Variants in AHNAK observed in about 807,000 individuals in gnomAD.
The protein encoded by AHNAK is AHNAK nucleoprotein.
In AHNAK, 23 loss-of-function variants were observed where a neutral mutation model predicts 37.8. The observed-to-expected ratio is 0.61, with a 90% CI of 0.44 to 0.86. The LOEUF (loss-of-function observed/expected upper bound fraction) is 0.86, where lower values mean the gene tolerates loss of function less well. Ranked by LOEUF, AHNAK falls within the 40% of genes least tolerant of loss-of-function variation. AHNAK has a pLI of 0.00. For synonymous variants in AHNAK, 2,481 were observed against 2,636.3 expected (o/e 0.94, Z 1.80); for missense variants, 7,411 against 7,319.4 (o/e 1.01, Z -0.46).
intron 5 of AHNAK, among the ~76,000 whole-genome samples, chr11:62,462,441 C>T (rs552168168): frequency 1.3e-5 from 2 of 152,282 alleles, no homozygotes; most frequent in South Asian, 4.1e-4. Flanking sequence ...CAACAGGCAA[C>T]GTTCCTTTGC....
chr11:62,525,277 G>A lies in AHNAK; in HGVS notation c.9140C>T (p.Pro3047Leu), dbSNP rs1349652001. Residue 3047 changes from proline (P) to leucine (L), a missense_variant, in exon 5 of 5, where the codon CCC becomes CTC. Physicochemically the swap from Pro to Leu is moderately conservative, Grantham distance 98. Coordinates refer to ENST00000378024, the MANE Select transcript of AHNAK (RefSeq NM_001620.3). Reference protein sequence around the residue: ...GEGPDVDVNLPKADLDVSGPK... With the variant: ...GEGPDVDVNLLKADLDVSGPK... ...TCCTGAGACATCAAGGTCAGCCTTG[G>A]GCAGGTTCACATCCACATCTGGGCC... The A allele has an allele frequency of 1.2e-6, 2 of 1,612,774 alleles. No homozygotes were observed. The highest frequency in any genetic ancestry group is 8.5e-7 in the Non-Finnish European group (1 of 1,179,790).
In AHNAK at chr11:62,530,240, G is replaced by A. The variant is rs373188722; in HGVS notation, c.4177C>T (p.Pro1393Ser). 1.2e-6 allele frequency: 2 copies of A among 1,612,294 alleles called. No individual in the cohort carries two copies. The highest frequency in any genetic ancestry group is 8.5e-7 in the Non-Finnish European group (1 of 1,179,612). The change falls in exon 5 of 5, where the codon CCC (proline) becomes TCC (serine). Residue 1393 changes from proline (P) to serine (S), a missense_variant. Coordinates refer to ENST00000378024, the MANE Select transcript of AHNAK (RefSeq NM_001620.3). The part of the protein sequence containing the change: ...PKVKMPKFSM[P>S]GFKGEGPEVD... ...TCAGGGCCCTCTCCTTTGAAGCCGG[G>A]CATGCTGAACTTGGGCATTTTCACC...
intron 5 of AHNAK, among the ~76,000 whole-genome samples, chr11:62,441,297 C>T (rs759599168): frequency 6.6e-6 from 1 of 151,538 alleles, no homozygotes; most frequent in African/African-American, 2.4e-5. Flanking sequence ...CCACCACGTC[C>T]GGCCTCTACA....
Position 62,516,788 on chromosome 11 carries a change from G to A in AHNAK, c.17629C>T (p.Gln5877Ter), listed in dbSNP as rs781631537. 5 of 1,613,350 alleles carry A rather than the reference G, an allele frequency of 3.1e-6. No homozygotes were observed. The highest frequency in any genetic ancestry group is 1.1e-5 in the South Asian group (1 of 90,924). ...ACTGACAGCTCCACCTCGGGAAGCT[G>A]GATGCCAACCTTATTCCCACTGTCA... is the stretch of plus-strand genomic sequence containing the variant. The part of the protein sequence containing the change: ...SNDSGNKVGI[Q>*]LPEVELSVST... The change falls in exon 5 of 5, where the codon CAG becomes TAG. Residue 5877 changes from glutamine (Q) to a stop codon, truncating the protein, a stop_gained. Coordinates refer to ENST00000378024, the MANE Select transcript of AHNAK (RefSeq NM_001620.3). LOFTEE classifies it high-confidence loss of function.
chr11:62,434,488 G>A (rs937944834), intron 5 of AHNAK, among the ~76,000 whole-genome samples: 4 of 151,936 alleles, frequency 2.6e-5, no homozygotes, highest in African/African-American at 9.7e-5. Context: ...CATCCCCATC[G>A]GACTCCCATG....
intron 4 of AHNAK, among the ~76,000 whole-genome samples, chr11:62,505,721 T>A (rs926125437): frequency 4.1e-5 from 6 of 145,798 alleles, no homozygotes; most frequent in Non-Finnish European, 9.0e-5. Context: ...AGGGCTTTGC[T>A]CCTCCCCTGC....
intron 5 of AHNAK, among the ~76,000 whole-genome samples, chr11:62,442,363 C>A (rs1289739412): frequency 2.0e-5 from 3 of 152,010 alleles, no homozygotes; most frequent in African/African-American, 7.2e-5. Context: ...TCTTGGGCAG[C>A]ATGGCAAAAT....
At position 62,520,739 on chromosome 11, in the gene AHNAK, C is replaced by A; in HGVS notation, c.13678G>T (p.Val4560Leu). The A allele has an allele frequency of 6.2e-7, 1 of 1,614,144 alleles. No homozygotes were observed. Among genetic ancestry groups the A allele is most frequent in the South Asian group, 1.1e-5 (1 of 91,076 alleles). ...TCAATATCAGGAGTGTCAATGCCCA[C>A]TTTAGGGCCTTTGACATCCACTTTG... ...GPKVDVKGPK[V>L]GIDTPDIDIH... is the part of the protein sequence containing the mutation. The change falls in exon 5 of 5, where the codon GTG becomes TTG. Residue 4560 changes from valine to leucine, a missense_variant. By Grantham distance (32) the Val-to-Leu change is conservative. Coordinates refer to ENST00000378024, the MANE Select transcript of AHNAK (RefSeq NM_001620.3).
In AHNAK at chr11:62,531,270, C is replaced by A. The variant is rs776859050; in HGVS notation, c.3147G>T (p.Lys1049Asn). The A allele has an allele frequency of 4.3e-6, 7 of 1,613,460 alleles. No individual in the cohort carries two copies. In the African/African-American group the frequency reaches 5.3e-5, roughly 12 times the overall value. The change falls in exon 5 of 5, where the codon AAG (lysine) becomes AAT (asparagine). Residue 1049 changes from lysine to asparagine, a missense_variant. Physicochemically the swap from Lys to Asn is moderately conservative, Grantham distance 94 (BLOSUM62 0). Coordinates refer to ENST00000378024, the MANE Select transcript of AHNAK (RefSeq NM_001620.3). Reference sequence around the variant, plus strand: ...GCATCTTAAACTTCGGGCCTTTCAACTTCCCTTCAGGTCCTTCAAGGCTCA... The same window carrying A: ...GCATCTTAAACTTCGGGCCTTTCAAATTCCCTTCAGGTCCTTCAAGGCTCA... The part of the protein sequence containing the change: ...PDLSLEGPEG[K>N]LKGPKFKMPE...
At chr11:62,458,072 C>G (rs1475974572) in intron 5 of AHNAK, among the ~76,000 whole-genome samples, 1 of 142,342 alleles carries the variant, frequency 7.0e-6, no homozygotes, top group Admixed American at 6.9e-5. Context: ...CGGCAACATG[C>G]CTGTCTAATT....
Position 62,516,450 on chromosome 11 carries a change from G to A in AHNAK, c.*294C>T, listed in dbSNP as rs1454599415. 19 of 1,279,732 alleles carry A rather than the reference G, an allele frequency of 1.5e-5. No individual in the cohort carries two copies. Among genetic ancestry groups the A allele is most frequent in the Non-Finnish European group, 1.7e-5 (17 of 1,003,426 alleles). The allele number at this position is 1,279,732 out of a possible 1,614,324, so 79.3% of individuals were successfully genotyped here. A position where few individuals can be genotyped will look rare whatever the true frequency, so the allele number is the denominator to read the frequency against. On this transcript the variant is annotated 3_prime_UTR_variant, in exon 5 of 5. Transcript: ENST00000378024. ...GATAATAAACACAAAAGCTTGCTTA[G>A]TAAACAGGAGCTCTCAGCAGTCAAT...
At chr11:62,470,560 C>T (rs780448933) in intron 5 of AHNAK, among the ~76,000 whole-genome samples, 1 of 151,654 alleles carries the variant, frequency 6.6e-6, no homozygotes, top group African/African-American at 2.4e-5. Context: ...GAGCCGAGAT[C>T]GCGCCACTGC....
chr11:62,444,502 C>T (rs1938382435), intron 5 of AHNAK, among the ~76,000 whole-genome samples: 1 of 152,252 alleles, frequency 6.6e-6, no homozygotes, highest in Admixed American at 6.5e-5. Flanking sequence ...GGAGATTAGG[C>T]AGGGTTGGCT....
rs1414031042 is a variant in AHNAK at position 62,533,405 on chromosome 11, C to A, written c.1012G>T (p.Val338Leu). Residue 338 changes from valine to leucine, a missense_variant, in exon 5 of 5, where the codon GTG becomes TTG. Transcript: ENST00000378024. ...GLRVSAPEVS[V>L]GHKGGKPGLT... ...CCTGGCTTGCCGCCCTTGTGCCCCACAGAGACTTCAGGTGCAGAAACCCTC... is the reference window on the plus strand; with the variant it reads ...CCTGGCTTGCCGCCCTTGTGCCCCAAAGAGACTTCAGGTGCAGAAACCCTC... 11 of 1,604,988 alleles carry A rather than the reference C, an allele frequency of 6.9e-6. No individual in the cohort carries two copies. The highest frequency in any genetic ancestry group is 4.0e-5 in the African/African-American group (3 of 74,870).
chr11:62,486,240 C>T (rs1024263758), intron 5 of AHNAK, among the ~76,000 whole-genome samples: 11 of 151,752 alleles, frequency 7.2e-5, no homozygotes, highest in South Asian at 6.3e-4. Context: ...TTTGGGAGGC[C>T]GAGGTGGGTG....
At chr11:62,435,787 A>G (rs576777070) in intron 5 of AHNAK, among the ~76,000 whole-genome samples, 12 of 152,240 alleles carry the variant, frequency 7.9e-5, no homozygotes, top group African/African-American at 2.4e-4. Flanking sequence ...GACTCAAGCA[A>G]TCCTCCTGCC....
intron 4 of AHNAK, among the ~76,000 whole-genome samples, chr11:62,498,180 G>A (rs931080629): frequency 2.0e-5 from 3 of 152,082 alleles, no homozygotes; most frequent in South Asian, 2.1e-4. Flanking sequence ...TATGGGTTTT[G>A]TTGTTGTGGT....
In AHNAK at chr11:62,530,684, C is replaced by A. The variant is rs754990821; in HGVS notation, c.3733G>T (p.Val1245Phe). 10 of 1,613,650 alleles carry A rather than the reference C, an allele frequency of 6.2e-6. No homozygotes were observed. In the East Asian group the frequency reaches 2.0e-4, roughly 32 times the overall value. Residue 1245 changes from valine to phenylalanine, a missense_variant, in exon 5 of 5, where the codon GTT becomes TTT. Physicochemically the swap from Val to Phe is conservative, Grantham distance 50 (BLOSUM62 -1). Coordinates refer to ENST00000378024, the MANE Select transcript of AHNAK (RefSeq NM_001620.3). ...KMDIDAPDVE[V>F]QGPDWHLKMP... ...TTCAGGTGCCAGTCTGGGCCTTGAA[C>A]CTCCACATCTGGGGCATCAATGTCC... is the stretch of plus-strand genomic sequence containing the variant.
intron 5 of AHNAK, among the ~76,000 whole-genome samples, chr11:62,451,507 G>T (rs1258983763): frequency 3.9e-5 from 6 of 152,020 alleles, no homozygotes; most frequent in Admixed American, 2.0e-4. Flanking sequence ...GGAGGCCAAG[G>T]CGGGCAGATA....
Sources: gnomAD v4.1 joint callset for allele counts (sites outside exome capture counted in the v4.1 genomes callset) on GRCh38, gnomAD v4.1.1 for gene constraint, MANE v1.5 for transcripts, NCBI Gene and HGNC (gene_info 2026-07-23, HGNC 2026-07-21) for gene names.